The following SCD5 variants were observed in gnomAD, a reference collection of about 807,000 sequenced individuals.
SCD5 encodes the protein acyl-CoA-desaturase 4.
In SCD5, 20 loss-of-function variants were observed where a neutral mutation model predicts 30.4. That is an observed-to-expected ratio of 0.66 (90% CI 0.46 to 0.96). The LOEUF is 0.96. SCD5 is among the 40% of genes least tolerant of loss of function. SCD5 has a pLI of 0.00. For synonymous variants in SCD5, 173 were observed against 176.4 expected (o/e 0.98, Z 0.16); for missense variants, 381 against 443.3 (o/e 0.86, Z 1.26).
chr4:82,738,192 G>A lies in SCD5; in HGVS notation c.233-32779C>T, dbSNP rs138749857. Among the ~76,000 whole-genome samples the A allele has an allele frequency of 2.6e-3, 397 of 152,280 alleles. 1 individual carries two copies. Among genetic ancestry groups the A allele is most frequent in the Middle Eastern group, 0.01 (3 of 294 alleles). On this transcript the variant is annotated intron_variant, in intron 1 of 4. Coordinates refer to ENST00000319540, the MANE Select transcript of SCD5 (RefSeq NM_001037582.3). ...TCCCAGCACTTTGGGAGGCCTAGGCGGGCGGATCACGAGGTCAAGAGACGG... is the reference window on the plus strand; with the variant it reads ...TCCCAGCACTTTGGGAGGCCTAGGCAGGCGGATCACGAGGTCAAGAGACGG...
chr4:82,660,719 G>T, intron 3 of SCD5: 1 of 1,452,702 alleles, frequency 6.9e-7, no homozygotes, highest in Non-Finnish European at 9.0e-7. Flanking sequence ...CTGCCTCCTT[G>T]TGTCAACTGA....
At chr4:82,753,336 A>G (rs1721147990) in intron 1 of SCD5, 1 of 532,212 alleles carries the variant, frequency 1.9e-6, no homozygotes, top group Admixed American at 1.9e-5. Context: ...GTGTATGGCC[A>G]GAGTTGAGTG....
intron 1 of SCD5, among the ~76,000 whole-genome samples, chr4:82,717,467 C>T (rs4693497): frequency 0.6 from 90,294 of 151,640 alleles, 28,855 homozygotes; most frequent in African/African-American, 0.82. Context: ...TATGGACCCA[C>T]TGAATTTCCT....
chr4:82,714,142 C>T (rs946475550), intron 1 of SCD5, among the ~76,000 whole-genome samples: 2 of 152,202 alleles, frequency 1.3e-5, no homozygotes, highest in Non-Finnish European at 2.9e-5. Flanking sequence ...CAGCCTACAG[C>T]CATGCTGTTA....
At chr4:82,777,700 T>C (rs1300111890) in intron 1 of SCD5, among the ~76,000 whole-genome samples, 1 of 152,208 alleles carries the variant, frequency 6.6e-6, no homozygotes, top group Non-Finnish European at 1.5e-5. Flanking sequence ...TCTGGGAAAG[T>C]ATCTTGGTCG....
At position 82,712,287 on chromosome 4, in the gene SCD5, TA is replaced by T. The variant is rs1720121934; in HGVS notation, c.233-6875del. Among the ~76,000 whole-genome samples the T allele has an allele frequency of 4.3e-5, 2 of 46,546 alleles. 1 individual carries two copies. The highest frequency in any genetic ancestry group is 2.4e-4 in the African/African-American group (2 of 8,428). The allele number at this position is 46,546 out of a possible 152,430, so 30.5% of individuals were successfully genotyped here. ...ATATATATATATATATATATATATATATATATATATTTTATTTTTATTTTAT... is the reference window on the plus strand; with the variant it reads ...ATATATATATATATATATATATATATTATATATATTTTATTTTTATTTTAT... On this transcript the variant is annotated intron_variant, in intron 1 of 4. Coordinates refer to ENST00000319540, the MANE Select transcript of SCD5 (RefSeq NM_001037582.3).
At chr4:82,649,900 CGTCTGGCGTGATT>C (rs2148814460) in intron 3 of SCD5, among the ~76,000 whole-genome samples, 1 of 152,280 alleles carries the variant, frequency 6.6e-6, no homozygotes, top group South Asian at 2.1e-4. Context: ...GATTACTGTT[CGTCTGGCGTGATT>C]GTGCATGAAT....
intron 2 of SCD5, among the ~76,000 whole-genome samples, chr4:82,700,266 A>T (rs1319706388): frequency 1.3e-5 from 2 of 151,982 alleles, no homozygotes; most frequent in Non-Finnish European, 2.9e-5. Flanking sequence ...ATGGCTGAGA[A>T]TTTTCCGAAT....
chr4:82,775,929 C>T (rs1321776981), intron 1 of SCD5: 1 of 152,334 alleles, frequency 6.6e-6, no homozygotes, highest in Admixed American at 6.5e-5. Context: ...CAAGCATCTT[C>T]GACGCCTATG....
At chr4:82,758,896 C>T (rs913484841) in intron 1 of SCD5, among the ~76,000 whole-genome samples, 4 of 152,268 alleles carry the variant, frequency 2.6e-5, no homozygotes, top group South Asian at 4.1e-4. Flanking sequence ...GCGCCTCCCC[C>T]GCGAAACAAC....
chr4:82,697,329 C>T lies in SCD5; in HGVS notation c.363+7954G>A, dbSNP rs569305249. Among the ~76,000 whole-genome samples, 10 of 152,266 alleles carry T rather than the reference C, an allele frequency of 6.6e-5. No individual in the cohort carries two copies. The East Asian group carries it at 7.7e-4, about 12-fold the overall frequency. ...CAAATAAAAACTCTTTAAAGTATTG[C>T]GGTTTTTTTGGTTTACAAAAATCTA... On this transcript the variant is annotated intron_variant, in intron 2 of 4. Coordinates refer to ENST00000319540, the MANE Select transcript of SCD5 (RefSeq NM_001037582.3).
chr4:82,680,861 CTG>C lies in SCD5; in HGVS notation c.413_414del (p.Ser138Ter), dbSNP rs1440119030. 6.2e-7 allele frequency: 1 copy of C among 1,613,850 alleles called. No homozygotes were observed. On this transcript the variant is annotated frameshift_variant, in exon 3 of 5. Coordinates refer to ENST00000319540, the MANE Select transcript of SCD5 (RefSeq NM_001037582.3). LOFTEE classifies it high-confidence loss of function. ...SRDHRAHHKY[S>X]ETDADPHNAR... ...GCATTGTGGGGGTCAGCATCCGTCT[CTG>C]AGTACTTGTGGTGGGCTCGGTGGTC...
chr4:82,666,814 A>T (rs537039895), intron 3 of SCD5, among the ~76,000 whole-genome samples: 1 of 152,348 alleles, frequency 6.6e-6, no homozygotes, highest in Admixed American at 6.5e-5. Context: ...TGGTTAATCA[A>T]GGCTATGGGA....
chr4:82,731,069 G>A (rs1720634434), intron 1 of SCD5, among the ~76,000 whole-genome samples: 1 of 152,058 alleles, frequency 6.6e-6, no homozygotes, highest in Admixed American at 6.5e-5. Flanking sequence ...TGATATTTTA[G>A]TTTTTTTCAA....
At chr4:82,774,255 G>A (rs1721691040) in intron 1 of SCD5, among the ~76,000 whole-genome samples, 1 of 125,334 alleles carries the variant, frequency 8.0e-6, no homozygotes, top group Non-Finnish European at 1.8e-5. Flanking sequence ...TTCAACAATA[G>A]GGGGTTAAGT....
At chr4:82,633,664 TA>T (rs1560519549) in intron 4 of SCD5, among the ~76,000 whole-genome samples, 1 of 152,250 alleles carries the variant, frequency 6.6e-6, no homozygotes, top group Non-Finnish European at 1.5e-5. Flanking sequence ...ATCCTTCTGA[TA>T]ATAGTCATTC....
chr4:82,661,813 C>T lies in SCD5; in HGVS notation c.569+18894G>A, dbSNP rs182610818. 5.3e-5 allele frequency among the ~76,000 whole-genome samples: 8 copies of T among 152,280 alleles called. No individual in the cohort carries two copies. In the East Asian group the frequency reaches 1.5e-3, roughly 29 times the overall value. ...AATTATGGAGTCATATGTCCTAGCG[C>T]AGAGAGCTGAAGAGAGTAAACATGA... On this transcript the variant is annotated intron_variant, in intron 3 of 4. Coordinates refer to ENST00000319540, the MANE Select transcript of SCD5 (RefSeq NM_001037582.3).
At chr4:82,703,968 C>A (rs1719913767) in intron 2 of SCD5, among the ~76,000 whole-genome samples, 2 of 152,284 alleles carry the variant, frequency 1.3e-5, no homozygotes, top group Non-Finnish European at 1.5e-5. Flanking sequence ...GAACATGGAA[C>A]CAGGAAGCTG....
At chr4:82,707,064 T>C (rs1719985931) in intron 1 of SCD5, among the ~76,000 whole-genome samples, 1 of 152,244 alleles carries the variant, frequency 6.6e-6, no homozygotes, top group African/African-American at 2.4e-5. Context: ...TCTTAATTTC[T>C]CTTCTATGAT....
Sources: allele counts gnomAD v4.1 joint callset (sites outside exome capture counted in the v4.1 genomes callset), GRCh38; gene constraint gnomAD v4.1.1; transcripts MANE v1.5; gene names NCBI Gene and HGNC (gene_info 2026-07-23, HGNC 2026-07-21).